BCKDHB: variants seen among roughly 807,000 people sequenced by gnomAD.
The protein encoded by BCKDHB is branched chain keto acid dehydrogenase E1 subunit beta, also known as 2-oxoisovalerate dehydrogenase subunit beta, mitochondrial.
A neutral mutation model predicts 48.5 loss-of-function variants in BCKDHB; 41 were observed. The observed-to-expected ratio is 0.85, with a 90% CI of 0.66 to 1.10. The LOEUF is 1.10. BCKDHB is among the 50% of genes least tolerant of loss of function. BCKDHB has a pLI of 0.00. For missense variants in BCKDHB, 496 were observed against 494.2 expected (o/e 1.00, Z -0.03); for synonymous variants, 201 against 174.8 (o/e 1.15, Z -1.18).
chr6:80,234,870 G>T (rs2127897488), intron 8 of BCKDHB, among the ~76,000 whole-genome samples: 2 of 152,054 alleles, frequency 1.3e-5, no homozygotes, highest in Middle Eastern at 6.8e-3. Flanking sequence ...CCATAGAAAA[G>T]AATGAAATCC....
At chr6:80,381,304 T>C in the BCKDHB span, among the ~76,000 whole-genome samples, 10 of 152,046 alleles carry the variant, frequency 6.6e-5, no homozygotes, top group Non-Finnish European at 1.0e-4. Flanking sequence ...TATGCTAACA[T>C]GTTTTGAAAC....
chr6:80,261,292 G>A (rs1043808254), intron 8 of BCKDHB, among the ~76,000 whole-genome samples: 24 of 152,066 alleles, frequency 1.6e-4, no homozygotes, highest in Admixed American at 1.3e-4. Context: ...ACAAATGGAA[G>A]GATAGGAGGA....
chr6:80,127,403 A>G, intron 1 of BCKDHB, 144 bp from the exon 2 acceptor site: 3 of 720,464 alleles, frequency 4.2e-6, no homozygotes, highest in South Asian at 1.6e-5. Flanking sequence ...TGTATCTTAT[A>G]GTATTATTGT....
intron 9 of BCKDHB, among the ~76,000 whole-genome samples, chr6:80,300,444 C>A (rs1213965964): frequency 6.6e-6 from 1 of 152,094 alleles, no homozygotes; most frequent in Admixed American, 6.5e-5. Context: ...GGGTACAATC[C>A]AATAAAAAGC....
chr6:80,246,139 T>G (rs183442798), intron 8 of BCKDHB, among the ~76,000 whole-genome samples: 11 of 152,294 alleles, frequency 7.2e-5, no homozygotes, highest in Admixed American at 7.2e-4. Context: ...AGAATCACAC[T>G]TTAGGATAAC....
At chr6:80,240,458 GCTCT>G (rs1776333957) in intron 8 of BCKDHB, among the ~76,000 whole-genome samples, 1 of 152,032 alleles carries the variant, frequency 6.6e-6, no homozygotes, top group Non-Finnish European at 1.5e-5. Flanking sequence ...TCATGATTTG[GCTCT>G]CTGTTTGTCT....
Position 80,106,862 on chromosome 6 carries a change from C to T in BCKDHB, c.169C>T (p.Gln57Ter), listed in dbSNP as rs1554181192. The change falls in exon 1 of 10, where the codon CAG (glutamine) becomes TAG (stop). Residue 57 changes from glutamine (Q) to a stop codon, truncating the protein, a stop_gained. Coordinates refer to ENST00000320393, the MANE Select transcript of BCKDHB (RefSeq NM_183050.4). LOFTEE classifies it high-confidence loss of function. ...GCGGCAGGTGGCTCATTTTACTTTCCAGCCAGATCCGGAGCCCCGGGAGTA... is the reference window on the plus strand; with the variant it reads ...GCGGCAGGTGGCTCATTTTACTTTCTAGCCAGATCCGGAGCCCCGGGAGTA... ...QRRQVAHFTFQPDPEPREYGQ... is the reference protein window; with the variant it reads ...QRRQVAHFTF The T allele has an allele frequency of 6.2e-7, 1 of 1,609,526 alleles. No homozygotes were observed. Among genetic ancestry groups the T allele is most frequent in the South Asian group, 1.1e-5 (1 of 90,412 alleles).
the BCKDHB span, among the ~76,000 whole-genome samples, chr6:80,397,386 G>A: frequency 6.8e-4 from 103 of 152,132 alleles, 1 homozygote; most frequent in Admixed American, 6.6e-4. Flanking sequence ...TTGAATTTAA[G>A]TTAAAGGCAA....
At chr6:80,136,277 G>A (rs1770878381) in intron 3 of BCKDHB, among the ~76,000 whole-genome samples, 1 of 152,046 alleles carries the variant, frequency 6.6e-6, no homozygotes, top group Non-Finnish European at 1.5e-5. Context: ...ATTGATGAAT[G>A]GAATAGAATA....
At chr6:80,420,511 C>T in the BCKDHB span, among the ~76,000 whole-genome samples, 5 of 152,210 alleles carry the variant, frequency 3.3e-5, no homozygotes, top group African/African-American at 9.6e-5. Flanking sequence ...TACCTTCTTT[C>T]AAACCAGCAG....
chr6:80,231,195 A>G, intron 8 of BCKDHB, among the ~76,000 whole-genome samples: 1 of 152,326 alleles, frequency 6.6e-6, no homozygotes, highest in South Asian at 2.1e-4. Flanking sequence ...ACTTAATTAT[A>G]CATACTTAAT....
At chr6:80,283,328 T>C (rs968968567) in intron 9 of BCKDHB, among the ~76,000 whole-genome samples, 4 of 152,098 alleles carry the variant, frequency 2.6e-5, no homozygotes, top group Admixed American at 6.6e-5. Context: ...CTTTTTGAAG[T>C]CTTTCTGGAT....
chr6:80,385,049 C>T, the BCKDHB span, among the ~76,000 whole-genome samples: 2 of 152,080 alleles, frequency 1.3e-5, no homozygotes, highest in African/African-American at 4.8e-5. Context: ...GTTCATTGCT[C>T]ATGAGGGGCA....
intron 9 of BCKDHB, among the ~76,000 whole-genome samples, chr6:80,310,949 CT>C (rs1356835785): frequency 3.9e-5 from 6 of 152,022 alleles, no homozygotes; most frequent in African/African-American, 1.2e-4. Flanking sequence ...TAATGAGGTT[CT>C]TTTTTTCTTG....
the BCKDHB span, among the ~76,000 whole-genome samples, chr6:80,410,353 G>A: frequency 3.9e-5 from 6 of 152,126 alleles, no homozygotes. Flanking sequence ...TGGGTAACCC[G>A]ACCTTTCTCT....
chr6:80,332,404 TTAAA>T, intron 9 of BCKDHB, among the ~76,000 whole-genome samples: 1 of 152,308 alleles, frequency 6.6e-6, no homozygotes, highest in Middle Eastern at 3.4e-3. Flanking sequence ...AGACATTTCT[TTAAA>T]TACTCCTGAA....
At chr6:80,137,207 G>C (rs376872591) in intron 3 of BCKDHB, among the ~76,000 whole-genome samples, 1 of 152,030 alleles carries the variant, frequency 6.6e-6, no homozygotes, top group African/African-American at 2.4e-5. Context: ...TTACTTTGAT[G>C]ACCTTTTGTG....
intron 8 of BCKDHB, among the ~76,000 whole-genome samples, chr6:80,208,366 A>C (rs2127836027): frequency 6.6e-6 from 1 of 151,902 alleles, no homozygotes; most frequent in Admixed American, 6.6e-5. Flanking sequence ...AAATATATAA[A>C]TTTAGGAAAT....
At chr6:80,279,878 A>T (rs1412178709) in intron 9 of BCKDHB, among the ~76,000 whole-genome samples, 1 of 152,212 alleles carries the variant, frequency 6.6e-6, no homozygotes, top group Non-Finnish European at 1.5e-5. Flanking sequence ...GAATATTCAG[A>T]GAACTATAGG....
Sources: allele counts gnomAD v4.1 joint callset (sites outside exome capture counted in the v4.1 genomes callset), GRCh38; gene constraint gnomAD v4.1.1; transcripts MANE v1.5; gene names NCBI Gene and HGNC (gene_info 2026-07-23, HGNC 2026-07-21).